CACNA1B: variants seen among roughly 807,000 people sequenced by gnomAD.
CACNA1B encodes calcium voltage-gated channel subunit alpha1 B.
In CACNA1B, 70 loss-of-function variants were observed where a neutral mutation model predicts 247.2. The observed-to-expected ratio is 0.28, with a 90% CI of 0.23 to 0.35. The LOEUF (loss-of-function observed/expected upper bound fraction) is 0.35. Among genes scored for constraint, CACNA1B ranks in the 10% least tolerant of loss-of-function variants. CACNA1B has a pLI of 1.00. For synonymous variants in CACNA1B, 1,231 were observed against 1,294.4 expected (o/e 0.95, Z 1.05); for missense variants, 2,367 against 3,197.4 (o/e 0.74, Z 6.26).
rs1960159615 is a variant in CACNA1B, at chr9:138,072,298, G to A, written c.4675-1190G>A. Among the ~76,000 whole-genome samples the A allele has an allele frequency of 6.6e-6, 1 of 152,214 alleles. No individual in the cohort carries two copies. The highest frequency in any genetic ancestry group is 6.5e-5 in the Admixed American group (1 of 15,294). On this transcript the variant is annotated intron_variant, in intron 32 of 46. Coordinates refer to ENST00000371372, the MANE Select transcript of CACNA1B (RefSeq NM_000718.4). The surrounding 1 kb of genome is among the most constrained non-coding windows in gnomAD (Gnocchi z 4.5). ...AGTGGAAGTGGCAGACCTAGGCAGA[G>A]GTGTCCTCAGTACGGGTTGGGCCAC...
chr9:137,931,010 G>A (rs1020763464), intron 6 of CACNA1B, among the ~76,000 whole-genome samples: 2 of 152,034 alleles, frequency 1.3e-5, no homozygotes, highest in African/African-American at 4.8e-5. Flanking sequence ...TGGTGTGATG[G>A]TGTGCAATCT....
chr9:138,091,148 A>C (rs1960864845), intron 36 of CACNA1B, among the ~76,000 whole-genome samples: 1 of 152,204 alleles, frequency 6.6e-6, no homozygotes, highest in Admixed American at 6.6e-5. Context: ...GTGTCCATCC[A>C]CACATGAATG....
Position 137,990,391 on chromosome 9 carries a change from G to T in CACNA1B, c.1974+3537G>T, listed in dbSNP as rs1210054469. Among the ~76,000 whole-genome samples, 1 of 151,986 alleles carries T rather than the reference G, an allele frequency of 6.6e-6. No individual in the cohort carries two copies. The highest frequency in any genetic ancestry group is 1.5e-5 in the Non-Finnish European group (1 of 67,992). On this transcript the variant is annotated intron_variant, in intron 15 of 46. Coordinates refer to ENST00000371372, the MANE Select transcript of CACNA1B (RefSeq NM_000718.4). This position sits in a 1 kb window ranked among gnomAD's most constrained non-coding sequence, Gnocchi z 4.5. ...CCCACCCTGATGGCCGAAGACAAAG[G>T]TTATAATCTCCTGGGGGCTCTGTGG...
intron 19 of CACNA1B, among the ~76,000 whole-genome samples, chr9:138,024,108 G>A (rs1302797879): frequency 6.6e-6 from 1 of 152,246 alleles, no homozygotes; most frequent in African/African-American, 2.4e-5. Context: ...GGGCTTAAGG[G>A]GGAATTGTTG....
chr9:137,898,144 C>T (rs1957193151), intron 3 of CACNA1B, among the ~76,000 whole-genome samples: 1 of 152,206 alleles, frequency 6.6e-6, no homozygotes, highest in Non-Finnish European at 1.5e-5. Context: ...TACTGTGCAA[C>T]TGCCTTCTGA....
chr9:138,005,839 G>T (rs1589062510), intron 15 of CACNA1B, among the ~76,000 whole-genome samples: 1 of 152,038 alleles, frequency 6.6e-6, no homozygotes, highest in South Asian at 2.1e-4. Flanking sequence ...GTCAGGAGAT[G>T]GAGACCATCC....
chr9:138,016,866 G>A (rs1245460883), intron 18 of CACNA1B, among the ~76,000 whole-genome samples: 1 of 152,222 alleles, frequency 6.6e-6, no homozygotes, highest in Non-Finnish European at 1.5e-5. Flanking sequence ...TGATGGATGG[G>A]CCCCCGAGCT....
rs758595753 is a variant in CACNA1B, at chr9:138,006,806, G to A, written c.2014G>A (p.Gly672Arg). 1.2e-6 allele frequency: 2 copies of A among 1,610,780 alleles called. No homozygotes were observed. Among genetic ancestry groups the A allele is most frequent in the South Asian group, 1.1e-5 (1 of 90,976 alleles). Residue 672 changes from glycine to arginine, a missense_variant, in exon 16 of 47, where the codon GGG becomes AGG. Physicochemically the swap from Gly to Arg is moderately radical, Grantham distance 125. Transcript: ENST00000371372. ...GGACTGGAATGCAGTGATGTATCACGGGATCGAATCGCAAGGCGGCGTCAG... is the reference window on the plus strand; with the variant it reads ...GGACTGGAATGCAGTGATGTATCACAGGATCGAATCGCAAGGCGGCGTCAG... ...GEDWNAVMYH[G>R]IESQGGVSKG...
In CACNA1B at chr9:138,120,664, C is replaced by G. The variant is rs746163681; in HGVS notation, c.6272C>G (p.Pro2091Arg). Residue 2091 changes from proline (P) to arginine (R), a missense_variant, in exon 46 of 47, where the codon CCG becomes CGG. This residue lies in a region of CACNA1B where 773 missense variants were observed against 779.4 expected (regional missense o/e 0.99). Coordinates refer to ENST00000371372, the MANE Select transcript of CACNA1B (RefSeq NM_000718.4). The stretch of plus-strand genomic sequence containing the variant: ...AGTGCTGTGGGGCCGGGGCTGCCCC[C>G]GGGAGAGGGGCCTACAGGCTGCCGG... ...PSSAVGPGLP[P>R]GEGPTGCRRE... is the part of the protein sequence containing the mutation. 1 of 1,508,346 alleles carries G rather than the reference C, an allele frequency of 6.6e-7. No individual in the cohort carries two copies. Among genetic ancestry groups the G allele is most frequent in the Admixed American group, 2.6e-5 (1 of 38,074 alleles). 93.4% of individuals were successfully genotyped at this position (1,508,346 alleles called of 1,614,324 possible). A position where few individuals can be genotyped will look rare whatever the true frequency, so the allele number is the denominator to read the frequency against.
Position 138,122,082 on chromosome 9 carries a change from G to A in CACNA1B, c.*83G>A. 7.8e-7 allele frequency: 1 copy of A among 1,287,510 alleles called. No homozygotes were observed. Among genetic ancestry groups the A allele is most frequent in the African/African-American group, 1.5e-5 (1 of 67,622 alleles). 79.8% of individuals were successfully genotyped at this position (1,287,510 alleles called of 1,614,324 possible). ...TTTTATCATCCACACGGGGCAGCCGGCCCTCGGGGGAGGCCTTGCCCACCT... is the reference window on the plus strand; with the variant it reads ...TTTTATCATCCACACGGGGCAGCCGACCCTCGGGGGAGGCCTTGCCCACCT... On this transcript the variant is annotated 3_prime_UTR_variant, in exon 47 of 47. Transcript: ENST00000371372.
chr9:137,890,637 C>A (rs1469732697), intron 3 of CACNA1B: 1 of 150,458 alleles, frequency 6.6e-6, no homozygotes, highest in Admixed American at 6.7e-5. Context: ...CAGGGATGGG[C>A]GGTTCTGCAG....
rs1248121003 is a variant in CACNA1B, at chr9:138,120,722, G to T, written c.6330G>T (p.Arg2110=). 5.2e-6 allele frequency: 8 copies of T among 1,535,728 alleles called. No homozygotes were observed. Among genetic ancestry groups the T allele is most frequent in the Non-Finnish European group, 7.0e-6 (8 of 1,143,622 alleles). Residue 2110 remains arginine (R), a synonymous_variant, in exon 46 of 47, where the codon CGG becomes CGT. Transcript: ENST00000371372. ...RERERRQERG[R]SQERRQPSSS... ...GAGAGCGCCGGCAGGAGCGGGGCCG[G>T]TCCCAGGAGCGGAGGCAGCCCTCAT...
At chr9:138,110,635 G>A (rs1259161373) in intron 39 of CACNA1B, among the ~76,000 whole-genome samples, 4 of 152,142 alleles carry the variant, frequency 2.6e-5, no homozygotes, top group Non-Finnish European at 4.4e-5. Flanking sequence ...AGGAGGCTAC[G>A]GCGGAAGGAT....
rs550187579 is a variant in CACNA1B, at chr9:137,986,998, C to T, written c.1974+144C>T. The T allele has an allele frequency of 3.6e-4, 273 of 763,864 alleles. 2 individuals are homozygous for T. The highest frequency in any genetic ancestry group is 3.3e-3 in the South Asian group (221 of 66,676). The allele number at this position is 763,864 out of a possible 1,614,324, so 47.3% of individuals were successfully genotyped here. ...CTTTTCAGACACAGTGTTCCTCAAACGAGGGAAGCACAGGCAGTCAGCAAC... is the reference window on the plus strand; with the variant it reads ...CTTTTCAGACACAGTGTTCCTCAAATGAGGGAAGCACAGGCAGTCAGCAAC... On this transcript the variant is annotated intron_variant, in intron 15 of 46. Coordinates refer to ENST00000371372, the MANE Select transcript of CACNA1B (RefSeq NM_000718.4). This position sits in a 1 kb window ranked among gnomAD's most constrained non-coding sequence, Gnocchi z 6.0.
Position 138,059,885 on chromosome 9 carries a change from G to T in CACNA1B, c.4668+148G>T. 1.6e-6 allele frequency: 1 copy of T among 612,066 alleles called. No individual in the cohort carries two copies. Among genetic ancestry groups the T allele is most frequent in the Non-Finnish European group, 3.0e-6 (1 of 338,708 alleles). 37.9% of individuals were successfully genotyped at this position (612,066 alleles called of 1,614,324 possible). On this transcript the variant is annotated intron_variant, in intron 31 of 46. Coordinates refer to ENST00000371372, the MANE Select transcript of CACNA1B (RefSeq NM_000718.4). The surrounding 1 kb of genome is among the most constrained non-coding windows in gnomAD (Gnocchi z 4.2). ...CATGTGGAGGCTTCGCTCCAGGGGT[G>T]GAGTTTAGGGATTGGGTGTTACCTC...
At chr9:138,104,040 G>A (rs1304996089) in intron 38 of CACNA1B, among the ~76,000 whole-genome samples, 1 of 152,256 alleles carries the variant, frequency 6.6e-6, no homozygotes, top group African/African-American at 2.4e-5. Flanking sequence ...GCAGGGCCAT[G>A]ATGGAGCAGC....
intron 12 of CACNA1B, among the ~76,000 whole-genome samples, chr9:137,978,058 C>T (rs1958244244): frequency 1.5e-5 from 2 of 134,264 alleles, no homozygotes; most frequent in African/African-American, 2.9e-5. Context: ...CCCTCCCCCC[C>T]AGGAAGGAGT....
intron 31 of CACNA1B, among the ~76,000 whole-genome samples, chr9:138,061,616 C>G (rs1485563248): frequency 6.6e-6 from 1 of 152,208 alleles, no homozygotes. Flanking sequence ...ACCTGGCTCA[C>G]ATGCATCCCC....
At position 137,901,473 on chromosome 9, in the gene CACNA1B, A is replaced by G. The variant is rs917055339; in HGVS notation, c.531-11707A>G. Among the ~76,000 whole-genome samples the G allele has an allele frequency of 3.3e-5, 5 of 151,688 alleles. No homozygotes were observed. The South Asian group carries it at 1.0e-3, about 32-fold the overall frequency. ...CCTAAGTAGCTGGGATTACAGGCGC[A>G]TACCACCAAGCCCAGCTGATTTTTG... On this transcript the variant is annotated intron_variant, in intron 3 of 46. Transcript: ENST00000371372.
Sources: allele counts gnomAD v4.1 joint callset (sites outside exome capture counted in the v4.1 genomes callset), GRCh38; gene constraint gnomAD v4.1.1; regional missense constraint gnomAD v4.1.1; non-coding constraint Gnocchi (gnomAD v3.1); transcripts MANE v1.5; gene names NCBI Gene and HGNC (gene_info 2026-07-23, HGNC 2026-07-21).